BHMT2: variants seen among roughly 807,000 people sequenced by gnomAD.
The protein encoded by BHMT2 is S-methylmethionine--homocysteine S-methyltransferase BHMT2.
A neutral mutation model predicts 39.0 loss-of-function variants in BHMT2; 28 were observed. That is an observed-to-expected ratio of 0.72 (90% CI 0.53 to 0.98). BHMT2 has a LOEUF of 0.98. Among genes scored for constraint, BHMT2 ranks in the 50% least tolerant of loss-of-function variants. The pLI is 0.00. For missense variants in BHMT2, 410 were observed against 455.6 expected (o/e 0.90, Z 0.91); for synonymous variants, 145 against 160.6 (o/e 0.90, Z 0.74).
chr5:79,071,175 A>G (rs939686481), intron 1 of BHMT2: 12 of 152,190 alleles, frequency 7.9e-5, no homozygotes, highest in African/African-American at 2.9e-4. Context: ...TTAAGGTGTT[A>G]ATGGGAAGGA....
At chr5:79,088,323 G>T (rs1755945366) in intron 7 of BHMT2, among the ~76,000 whole-genome samples, 170 bp from the exon 8 acceptor site, 1 of 149,972 alleles carries the variant, frequency 6.7e-6, no homozygotes, top group Non-Finnish European at 1.5e-5. Flanking sequence ...TAAAACAAAA[G>T]TTCTGCTTTA....
In BHMT2 at chr5:79,073,303, T is replaced by C. The variant is rs146142353; in HGVS notation, c.33+3488T>C. On this transcript the variant is annotated intron_variant, in intron 1 of 7. Coordinates refer to ENST00000255192, the MANE Select transcript of BHMT2 (RefSeq NM_017614.5). Reference sequence around the variant, plus strand: ...AACATGGTGAACCTAATGAAGTGTATGGGATTTTCAGGAAAACAGTTTGTA... The same window carrying C: ...AACATGGTGAACCTAATGAAGTGTACGGGATTTTCAGGAAAACAGTTTGTA... Among the ~76,000 whole-genome samples the C allele has an allele frequency of 8.7e-3, 1,322 of 152,258 alleles. 17 individuals carry two copies. The highest frequency in any genetic ancestry group is 0.031 in the African/African-American group (1,271 of 41,538).
At chr5:79,074,084 C>A (rs1276061674) in intron 1 of BHMT2, among the ~76,000 whole-genome samples, 3 of 152,178 alleles carry the variant, frequency 2.0e-5, no homozygotes, top group African/African-American at 7.2e-5. Context: ...GCCAACAGTT[C>A]AATAGTGGCT....
intron 1 of BHMT2, among the ~76,000 whole-genome samples, chr5:79,076,617 C>T (rs1346232462): frequency 6.6e-6 from 1 of 152,118 alleles, no homozygotes; most frequent in African/African-American, 2.4e-5. Flanking sequence ...TTTTTACTTA[C>T]TTAGCTCTGT....
In BHMT2 at chr5:79,079,413, A is replaced by C. The variant is rs754577679; in HGVS notation, c.211A>C (p.Met71Leu). 3.7e-6 allele frequency: 6 copies of C among 1,614,032 alleles called. No individual in the cohort carries two copies. In the South Asian group the frequency reaches 6.6e-5, roughly 18 times the overall value. ...MEFLRAGSNV[M>L]QTFTFSASED... ...ATTCTTGAGAGCAGGATCAAATGTC[A>C]TGCAGACTTTTACCTTTTCTGCCAG... The change falls in exon 3 of 8, where the codon ATG becomes CTG. Residue 71 changes from methionine to leucine, a missense_variant. Transcript: ENST00000255192.
intron 1 of BHMT2, among the ~76,000 whole-genome samples, chr5:79,073,549 C>T (rs1755619624): frequency 1.3e-5 from 2 of 152,122 alleles, no homozygotes; most frequent in Non-Finnish European, 2.9e-5. Flanking sequence ...AATTTAAGGC[C>T]TTTTTTATAT....
intron 5 of BHMT2, 57 bp from the exon 6 acceptor site, chr5:79,083,135 T>TAA: frequency 6.4e-7 from 1 of 1,568,692 alleles, no homozygotes; most frequent in Non-Finnish European, 8.7e-7. Flanking sequence ...TTCCAACTAT[T>TAA]AAAAAAAAAG....
At position 79,083,384 on chromosome 5, in the gene BHMT2, G is replaced by T; in HGVS notation, c.781+10G>T. On this transcript the variant is annotated intron_variant, in intron 6 of 7. Transcript: ENST00000255192. ...CCAGAATATCCCTTTGGTAAGCTCA[G>T]GTGCATAGTAGAGGTCCTTGTATTT... 1 of 1,580,710 alleles carries T rather than the reference G, an allele frequency of 6.3e-7. No homozygotes were observed. The highest frequency in any genetic ancestry group is 8.6e-7 in the Non-Finnish European group (1 of 1,165,244).
chr5:79,071,026 C>G (rs1200805003), intron 1 of BHMT2: 1 of 152,320 alleles, frequency 6.6e-6, no homozygotes, highest in East Asian at 1.9e-4. Flanking sequence ...TCAACTTTCT[C>G]TAATGCTATG....
At position 79,077,468 on chromosome 5, in the gene BHMT2, T is replaced by G. The variant is rs879103165; in HGVS notation, c.34-12T>G. On this transcript the variant is annotated splice_polypyrimidine_tract_variant and intron_variant, in intron 1 of 7. Coordinates refer to ENST00000255192, the MANE Select transcript of BHMT2 (RefSeq NM_017614.5). Reference sequence around the variant, plus strand: ...TAGAGCGGAGCTTAGGTGCTTTTTTTCTCTTCTTCAGGGGATTTTGGAGCG... The same window carrying G: ...TAGAGCGGAGCTTAGGTGCTTTTTTGCTCTTCTTCAGGGGATTTTGGAGCG... The G allele has an allele frequency of 1.9e-6, 3 of 1,599,828 alleles. No homozygotes were observed. In the South Asian group the frequency reaches 3.4e-5, roughly 18 times the overall value.
At chr5:79,083,880 CTTA>C in intron 7 of BHMT2, 24 bp downstream of exon 7, 1 of 1,585,640 alleles carries the variant, frequency 6.3e-7, no homozygotes, top group Non-Finnish European at 8.6e-7. Flanking sequence ...AATTAACATT[CTTA>C]TTATTTTCCT....
intron 7 of BHMT2, among the ~76,000 whole-genome samples, chr5:79,084,482 C>A (rs1755857236): frequency 6.6e-6 from 1 of 152,152 alleles, no homozygotes; most frequent in Non-Finnish European, 1.5e-5. Flanking sequence ...CTATGTTACC[C>A]AGGCTGGTCT....
intron 4 of BHMT2, among the ~76,000 whole-genome samples, chr5:79,081,143 G>T (rs1561241475): frequency 6.6e-6 from 1 of 152,136 alleles, no homozygotes; most frequent in Non-Finnish European, 1.5e-5. Context: ...AAGCTGACTT[G>T]GGGGACTCTA....
chr5:79,088,473 A>G lies in BHMT2; in HGVS notation c.1011-20A>G, dbSNP rs368539921. On this transcript the variant is annotated intron_variant, in intron 7 of 7. Transcript: ENST00000255192. ...AGGTAAGACTTTTAATTAATTAATT[A>G]TGTATATATTGAAACACAGGGCTCG... 31 of 1,601,060 alleles carry G rather than the reference A, an allele frequency of 1.9e-5. No homozygotes were observed. Among genetic ancestry groups the G allele is most frequent in the Non-Finnish European group, 2.5e-5 (29 of 1,170,856 alleles).
intron 3 of BHMT2, 103 bp downstream of exon 3, chr5:79,079,563 A>G: frequency 1.2e-6 from 1 of 817,192 alleles, no homozygotes. Context: ...ACTTTATTAC[A>G]AAGTCCATAT....
chr5:79,077,963 TCACA>T (rs145575498), intron 2 of BHMT2: 6 of 167,572 alleles, frequency 3.6e-5, no homozygotes, highest in Admixed American at 2.5e-4. Context: ...CAACACACTC[TCACA>T]CACACACACA....
chr5:79,083,026 AT>A, intron 5 of BHMT2, 70 bp downstream of exon 5: 1 of 1,598,028 alleles, frequency 6.3e-7, no homozygotes, highest in Middle Eastern at 1.7e-4. Context: ...TGTGCTTGAT[AT>A]TGTGAGAGCA....
chr5:79,086,679 A>ATAT (rs1254684518), intron 7 of BHMT2, among the ~76,000 whole-genome samples: 1 of 152,104 alleles, frequency 6.6e-6, no homozygotes, highest in African/African-American at 2.4e-5. Flanking sequence ...TCCCGTGGAT[A>ATAT]TATTGTCCAA....
intron 3 of BHMT2, 21 bp downstream of exon 3, chr5:79,079,481 G>A (rs1479131274): frequency 4.5e-6 from 7 of 1,548,210 alleles, no homozygotes; most frequent in Non-Finnish European, 6.2e-6. Flanking sequence ...ATGGCTGGGT[G>A]TGGGGGAGGG....
Sources: gnomAD v4.1 joint callset for allele counts (sites outside exome capture counted in the v4.1 genomes callset) on GRCh38, gnomAD v4.1.1 for gene constraint, MANE v1.5 for transcripts, NCBI Gene and HGNC (gene_info 2026-07-23, HGNC 2026-07-21) for gene names.